STOX2: variants seen among roughly 807,000 people sequenced by gnomAD.
STOX2 encodes storkhead box 2.
Under a neutral mutation model 60.9 loss-of-function variants are expected in STOX2, and 28 were observed. That is an observed-to-expected ratio of 0.46 (90% CI 0.34 to 0.63). STOX2 has a LOEUF of 0.63. Ranked by LOEUF, STOX2 falls within the 30% of genes least tolerant of loss-of-function variation. STOX2 has a pLI of 0.01. For missense variants in STOX2, 1,024 were observed against 1,187.7 expected, an observed-to-expected ratio of 0.86 and a Z score of 2.03; for synonymous variants, 472 against 463.9, an observed-to-expected ratio of 1.02 and a Z score of -0.22.
At chr4:183,833,907 G>A (rs949009681) in intron 1 of STOX2, among the ~76,000 whole-genome samples, 27 of 148,264 alleles carry the variant, frequency 1.8e-4, no homozygotes, top group African/African-American at 5.4e-4. Context: ...GCGTGAACCC[G>A]GGAGGCGGAG....
intron 2 of STOX2, among the ~76,000 whole-genome samples, chr4:184,007,033 C>A (rs4069884): frequency 0.37 from 24,373 of 66,126 alleles, 4,249 homozygotes; most frequent in African/African-American, 0.5. Context: ...AAAAAAAAAA[C>A]AAAACAAAAA....
At chr4:183,921,086 A>C (rs1742088097) in intron 1 of STOX2, among the ~76,000 whole-genome samples, 1 of 152,242 alleles carries the variant, frequency 6.6e-6, no homozygotes, top group Admixed American at 6.5e-5. Flanking sequence ...AATTTCTGCC[A>C]TCTGTTGTTG....
At chr4:183,982,711 C>T (rs1395031117) in intron 1 of STOX2, among the ~76,000 whole-genome samples, 1 of 152,156 alleles carries the variant, frequency 6.6e-6, no homozygotes, top group Non-Finnish European at 1.5e-5. Flanking sequence ...GAAACTCATG[C>T]ATTTCTGATA....
chr4:183,841,187 T>G (rs566887064), intron 1 of STOX2, among the ~76,000 whole-genome samples: 3 of 147,008 alleles, frequency 2.0e-5, no homozygotes, highest in African/African-American at 7.6e-5. Context: ...TAGTATTTAT[T>G]TATTTATTTA....
intron 1 of STOX2, among the ~76,000 whole-genome samples, chr4:183,934,664 CT>C (rs200738347): frequency 2.6e-5 from 4 of 151,144 alleles, no homozygotes; most frequent in African/African-American, 9.7e-5. Flanking sequence ...AACGAGCCTC[CT>C]TTTTTTTTCA....
At chr4:183,895,448 T>C (rs928701633) in intron 1 of STOX2, among the ~76,000 whole-genome samples, 1 of 152,208 alleles carries the variant, frequency 6.6e-6, no homozygotes, top group Non-Finnish European at 1.5e-5. Flanking sequence ...GCCTATTTTT[T>C]GAAAGGCACT....
chr4:183,850,956 C>G (rs200928479), intron 1 of STOX2, among the ~76,000 whole-genome samples: 811 of 10,016 alleles, frequency 0.081, 20 homozygotes, highest in Middle Eastern at 0.12. Context: ...ATGAGGGAAA[C>G]GATGAGGGAA....
chr4:183,992,469 G>C (rs1733153477), intron 1 of STOX2, among the ~76,000 whole-genome samples: 1 of 152,218 alleles, frequency 6.6e-6, no homozygotes. Context: ...AATGTCTAGT[G>C]TTAGGCCAGG....
chr4:183,819,299 T>G (rs1352126053), intron 1 of STOX2, among the ~76,000 whole-genome samples: 2 of 151,912 alleles, frequency 1.3e-5, no homozygotes, highest in African/African-American at 4.8e-5. Context: ...TCCCGGCACC[T>G]CGGGAGGCCG....
At chr4:183,917,892 C>T (rs1741977976) in intron 1 of STOX2, among the ~76,000 whole-genome samples, 1 of 152,200 alleles carries the variant, frequency 6.6e-6, no homozygotes. Context: ...TCAGTCTATC[C>T]TCTGTTTTCT....
intron 1 of STOX2, among the ~76,000 whole-genome samples, chr4:183,830,156 T>A (rs2111119567): frequency 6.6e-6 from 1 of 152,308 alleles, no homozygotes; most frequent in South Asian, 2.1e-4. Flanking sequence ...GCAGAACTAA[T>A]TTCACATCCC....
chr4:183,827,774 C>T lies in STOX2; in HGVS notation c.364+29719C>T, dbSNP rs546951318. Among the ~76,000 whole-genome samples the T allele has an allele frequency of 4.0e-5, 6 of 150,452 alleles. No individual in the cohort carries two copies. In the South Asian group the frequency reaches 8.4e-4, roughly 21 times the overall value. ...TCACGTGTCTGTAGTCCCAGCTGCT[C>T]GAGAGGCTGAGGCAGGAGGATTGCT... On this transcript the variant is annotated intron_variant, in intron 1 of 2. Coordinates refer to the STOX2 transcript ENST00000513034.
At chr4:183,858,187 C>T (rs1232111785) in intron 1 of STOX2, among the ~76,000 whole-genome samples, 1 of 152,206 alleles carries the variant, frequency 6.6e-6, no homozygotes, top group Non-Finnish European at 1.5e-5. Flanking sequence ...CTTGCCCCTC[C>T]GCCTCCCGGA....
intron 1 of STOX2, among the ~76,000 whole-genome samples, chr4:183,798,271 C>T (rs1176073760): frequency 2.0e-5 from 3 of 151,188 alleles, no homozygotes; most frequent in East Asian, 1.9e-4. Context: ...GTCCCATTCC[C>T]GGTGCGCCGC....
chr4:183,873,099 T>C (rs1362033413), intron 1 of STOX2, among the ~76,000 whole-genome samples: 1 of 152,224 alleles, frequency 6.6e-6, no homozygotes, highest in Non-Finnish European at 1.5e-5. Context: ...TGTTATGTCC[T>C]GTTGGTATGT....
intron 1 of STOX2, among the ~76,000 whole-genome samples, chr4:183,869,914 T>TGGGACCAAGGAATGGGC (rs1327773765): frequency 6.6e-6 from 1 of 152,144 alleles, no homozygotes; most frequent in Admixed American, 6.5e-5. Flanking sequence ...TTAATTATGG[T>TGGGACCAAGGAATGGGC]GGGACCAAGG....
chr4:183,991,450 C>T lies in STOX2; in HGVS notation c.167-9875C>T, dbSNP rs113379363. Reference sequence around the variant, plus strand: ...AGGAAGAATTTTTTTTTTTTTTTGACGGAGTCTTTCCTTGTTTCCCAGGCT... The same window carrying T: ...AGGAAGAATTTTTTTTTTTTTTTGATGGAGTCTTTCCTTGTTTCCCAGGCT... On this transcript the variant is annotated intron_variant, in intron 1 of 3. Transcript: ENST00000308497. Among the ~76,000 whole-genome samples, 499 of 144,238 alleles carry T rather than the reference C, an allele frequency of 3.5e-3. 3 individuals carry two copies. The highest frequency in any genetic ancestry group is 0.012 in the African/African-American group (475 of 38,926). 94.6% of individuals were successfully genotyped at this position (144,238 alleles called of 152,430 possible).
chr4:184,011,029 C>G lies in STOX2; in HGVS notation c.2191C>G (p.Pro731Ala). 6.2e-7 allele frequency: 1 copy of G among 1,613,166 alleles called. No homozygotes were observed. Among genetic ancestry groups the G allele is most frequent in the Non-Finnish European group, 8.5e-7 (1 of 1,179,476 alleles). ...LSLLKSHPKTPADTLPGRCEK... is the reference protein window; with the variant it reads ...LSLLKSHPKTAADTLPGRCEK... ...CCTCCTCAAATCTCACCCGAAGACA[C>G]CTGCTGACACATTGCCAGGCCGATG... The change falls in exon 3 of 4, where the codon CCT becomes GCT. Residue 731 changes from proline to alanine, a missense_variant. Pro to Ala is a conservative substitution (Grantham distance 27, BLOSUM62 -1). Transcript: ENST00000308497. The surrounding 1 kb of genome is among the most constrained non-coding windows in gnomAD (Gnocchi z 4.4).
chr4:183,826,049 G>A (rs1035258531), intron 1 of STOX2, among the ~76,000 whole-genome samples: 4 of 152,008 alleles, frequency 2.6e-5, no homozygotes, highest in African/African-American at 7.3e-5. Context: ...CAGACTCATC[G>A]GGAAACAGGT....
Sources: gnomAD v4.1 joint callset for allele counts (sites outside exome capture counted in the v4.1 genomes callset) on GRCh38, gnomAD v4.1.1 for gene constraint, Gnocchi (gnomAD v3.1) non-coding constraint, MANE v1.5 for transcripts, NCBI Gene and HGNC (gene_info 2026-07-23, HGNC 2026-07-21) for gene names.